The following SLC25A48 variants were observed in gnomAD, a reference collection of about 807,000 sequenced individuals.
SLC25A48 encodes solute carrier family 25 member 48.
SLC25A48 carries 29 observed loss-of-function variants against 32.2 expected under a neutral mutation model. The observed-to-expected ratio is 0.90, with a 90% CI of 0.67 to 1.23. The LOEUF (loss-of-function observed/expected upper bound fraction) is 1.23, where lower values mean the gene tolerates loss of function less well. Ranked by LOEUF, SLC25A48 falls within the 50% of genes most tolerant of loss-of-function variation. SLC25A48 has a pLI of 0.00. For synonymous variants in SLC25A48, 164 were observed against 172.3 expected, an observed-to-expected ratio of 0.95 and a Z score of 0.38; for missense variants, 399 against 422.7, an observed-to-expected ratio of 0.94 and a Z score of 0.49.
chr5:135,730,925 C>A (rs961683111), intron 3 of SLC25A48, among the ~76,000 whole-genome samples: 8 of 152,196 alleles, frequency 5.3e-5, no homozygotes, highest in Non-Finnish European at 1.2e-4. Context: ...GGGAACAGAG[C>A]TGGGACATAA....
At chr5:135,628,359 G>A (rs1216804339) in intron 1 of SLC25A48, among the ~76,000 whole-genome samples, 1 of 152,166 alleles carries the variant, frequency 6.6e-6, no homozygotes, top group African/African-American at 2.4e-5. Context: ...GAGGTTTTAG[G>A]CAAATGCAGA....
At position 135,883,279 on chromosome 5, in the gene SLC25A48, G is replaced by C. The variant is rs17169312; in HGVS notation, c.*7+3182G>C. ...GGATTCAACTGACCATTGGTCAACT[G>C]ATCACCAACTATTCCAGCTTTGGAC... On this transcript the variant is annotated intron_variant, in intron 7 of 7. Coordinates refer to ENST00000681962, the MANE Select transcript of SLC25A48 (RefSeq NM_001349336.2). The C allele has an allele frequency of 3.3e-3, 3,223 of 985,448 alleles. 76 individuals are homozygous for C. In the African/African-American group the frequency reaches 0.049, roughly 15 times the overall value. The allele number at this position is 985,448 out of a possible 1,614,324, so 61.0% of individuals were successfully genotyped here. A position where few individuals can be genotyped will look rare whatever the true frequency, so the allele number is the denominator to read the frequency against.
chr5:135,834,977 T>G, intron 1 of SLC25A48, 84 bp downstream of exon 1: 3 of 1,471,382 alleles, frequency 2.0e-6, no homozygotes, highest in Admixed American at 2.0e-5. Context: ...ACTTTGCCTC[T>G]GTGCGCTGCC....
At chr5:135,672,667 G>GT (rs751258242) in intron 3 of SLC25A48, among the ~76,000 whole-genome samples, 7 of 152,124 alleles carry the variant, frequency 4.6e-5, no homozygotes, top group African/African-American at 1.4e-4. Context: ...AACATCCCCT[G>GT]TTTTTTTCGT....
At chr5:135,847,401 G>A (rs1759512253) in intron 2 of SLC25A48, among the ~76,000 whole-genome samples, 1 of 152,180 alleles carries the variant, frequency 6.6e-6, no homozygotes, top group Admixed American at 6.5e-5. Flanking sequence ...GAGGGGGCCA[G>A]GTTCCTGGGG....
chr5:135,620,310 G>C (rs1172101463), intron 1 of SLC25A48, among the ~76,000 whole-genome samples: 1 of 152,136 alleles, frequency 6.6e-6, no homozygotes, highest in African/African-American at 2.4e-5. Flanking sequence ...TGGTATGCTT[G>C]GGTGTCATGG....
Position 135,859,483 on chromosome 5 carries a change from A to G in SLC25A48, c.421+6662A>G, listed in dbSNP as rs188569668. Among the ~76,000 whole-genome samples, 594 of 152,342 alleles carry G rather than the reference A, an allele frequency of 3.9e-3. 2 individuals carry two copies. Among genetic ancestry groups the G allele is most frequent in the Non-Finnish European group, 4.5e-3 (303 of 68,036 alleles). ...CAAGATGAGATTTGGGTAGAGACACAGCCAAATCATATCGCCTCCCCTGGC... is the reference window on the plus strand; with the variant it reads ...CAAGATGAGATTTGGGTAGAGACACGGCCAAATCATATCGCCTCCCCTGGC... On this transcript the variant is annotated intron_variant, in intron 4 of 7. Coordinates refer to ENST00000681962, the MANE Select transcript of SLC25A48 (RefSeq NM_001349336.2).
intron 4 of SLC25A48, among the ~76,000 whole-genome samples, chr5:135,814,932 G>C (rs148364006): frequency 1.5e-4 from 23 of 152,348 alleles, no homozygotes; most frequent in Non-Finnish European, 2.4e-4. Context: ...GGGCCTTACT[G>C]TGATGGGCCC....
At chr5:135,649,153 C>T (rs1245083040) in intron 3 of SLC25A48, 2 of 152,260 alleles carry the variant, frequency 1.3e-5, no homozygotes, top group Non-Finnish European at 2.9e-5. Flanking sequence ...AGCGGGAACC[C>T]TGTCCTGTGC....
intron 3 of SLC25A48, among the ~76,000 whole-genome samples, chr5:135,794,538 GGGAAAAGAAGAT>G (rs1470620905): frequency 6.6e-6 from 1 of 151,668 alleles, no homozygotes; most frequent in African/African-American, 2.4e-5. Context: ...TAATATCCAG[GGGAAAAGAAGAT>G]GATATTACTG....
In SLC25A48 at chr5:135,657,249, TA is replaced by T. The variant is rs1238909337; in HGVS notation, c.-521+22294del. On this transcript the variant is annotated intron_variant, in intron 3 of 10. Coordinates refer to the SLC25A48 transcript ENST00000646290. Reference sequence around the variant, plus strand: ...CAGGAGACCAGGGCCAGATAGAGTTTAGAGCCAACATCCAAATACACAAAGT... The same window carrying T: ...CAGGAGACCAGGGCCAGATAGAGTTTGAGCCAACATCCAAATACACAAAGT... Among the ~76,000 whole-genome samples, 8 of 152,338 alleles carry T rather than the reference TA, an allele frequency of 5.3e-5. No individual in the cohort carries two copies. The East Asian group carries it at 9.6e-4, about 18-fold the overall frequency.
intron 3 of SLC25A48, among the ~76,000 whole-genome samples, chr5:135,789,521 G>T (rs1245451455): frequency 2.0e-5 from 3 of 151,594 alleles, no homozygotes; most frequent in Admixed American, 2.0e-4. Context: ...ATATCCAGGA[G>T]GGGAGAGGGT....
At chr5:135,632,429 ACAGT>A (rs1752597811) in intron 2 of SLC25A48, among the ~76,000 whole-genome samples, 1 of 152,188 alleles carries the variant, frequency 6.6e-6, no homozygotes, top group Non-Finnish European at 1.5e-5. Flanking sequence ...AAAGAGAGGC[ACAGT>A]CAAGAAATAC....
chr5:135,713,778 T>G (rs1292528846), intron 3 of SLC25A48, among the ~76,000 whole-genome samples: 4 of 152,206 alleles, frequency 2.6e-5, no homozygotes, highest in Non-Finnish European at 5.9e-5. Flanking sequence ...ACACTCCTAC[T>G]CTGGTGGGGC....
chr5:135,814,068 C>T lies in SLC25A48; in HGVS notation c.-117+1142C>T, dbSNP rs189264357. The stretch of plus-strand genomic sequence containing the variant: ...GGCGGGTTTGGGGATATTTTCCCCC[C>T]ATCATGGAAAACCAAGTTGCAGATG... On this transcript the variant is annotated intron_variant, in intron 4 of 10. Coordinates refer to the SLC25A48 transcript ENST00000646290. Among the ~76,000 whole-genome samples, 741 of 152,308 alleles carry T rather than the reference C, an allele frequency of 4.9e-3. 9 individuals are homozygous for T. Among genetic ancestry groups the T allele is most frequent in the Non-Finnish European group, 7.5e-3 (509 of 68,026 alleles).
chr5:135,789,519 G>A (rs1264724034), intron 3 of SLC25A48, among the ~76,000 whole-genome samples: 2 of 151,436 alleles, frequency 1.3e-5, no homozygotes, highest in Non-Finnish European at 2.9e-5. Context: ...TAATATCCAG[G>A]AGGGGAGAGG....
At chr5:135,767,855 C>A (rs761790032) in intron 3 of SLC25A48, among the ~76,000 whole-genome samples, 15 of 151,314 alleles carry the variant, frequency 9.9e-5, no homozygotes, top group South Asian at 6.3e-4. Flanking sequence ...AGTTTGTACA[C>A]CCCCTTGTGA....
intron 3 of SLC25A48, among the ~76,000 whole-genome samples, chr5:135,767,731 T>G (rs1486343268): frequency 6.6e-6 from 1 of 151,036 alleles, no homozygotes; most frequent in Non-Finnish European, 1.5e-5. Flanking sequence ...TAATATCTAG[T>G]GGGGGGAGTG....
At chr5:135,726,586 G>C (rs1040359499) in intron 3 of SLC25A48, among the ~76,000 whole-genome samples, 2 of 152,132 alleles carry the variant, frequency 1.3e-5, no homozygotes, top group African/African-American at 4.8e-5. Context: ...CTTTGGATTG[G>C]CTTTTCTTAC....
Sources: allele counts gnomAD v4.1 joint callset (sites outside exome capture counted in the v4.1 genomes callset), GRCh38; gene constraint gnomAD v4.1.1; transcripts MANE v1.5; gene names NCBI Gene and HGNC (gene_info 2026-07-23, HGNC 2026-07-21).